Variants in NUP85 observed in about 807,000 individuals in gnomAD.
The protein encoded by NUP85 is nuclear pore complex protein Nup85.
NUP85 carries 23 observed loss-of-function variants against 92.8 expected under a neutral mutation model. That is an observed-to-expected ratio of 0.25 (90% CI 0.18 to 0.35). The LOEUF is 0.35. Among genes scored for constraint, NUP85 ranks in the 10% least tolerant of loss-of-function variants. The probability of loss-of-function intolerance (pLI) is 1.00; values close to 1 mark genes in which losing one functional copy is unlikely to be tolerated. For synonymous variants in NUP85, 314 were observed against 306.9 expected (o/e 1.02, Z -0.24); for missense variants, 759 against 822.8 (o/e 0.92, Z 0.95).
Position 75,231,445 on chromosome 17 carries a change from A to G in NUP85, c.1178+22A>G, listed in dbSNP as rs1444864730. The G allele has an allele frequency of 2.5e-6, 4 of 1,613,372 alleles. No homozygotes were observed. In the African/African-American group the frequency reaches 5.3e-5, roughly 22 times the overall value. Reference sequence around the variant, plus strand: ...TCTAGTAAGTGGCCGGGAGGCACCGATCCTCCTCTTCTTACCACCAGGCCC... The same window carrying G: ...TCTAGTAAGTGGCCGGGAGGCACCGGTCCTCCTCTTCTTACCACCAGGCCC... On this transcript the variant is annotated intron_variant, in intron 12 of 18. Transcript: ENST00000245544. This position sits in a 1 kb window ranked among gnomAD's most constrained non-coding sequence, Gnocchi z 4.6.
At position 75,215,648 on chromosome 17, in the gene NUP85, G is replaced by A. The variant is rs2075407474; in HGVS notation, c.406-106G>A. ...CCAGTAGGATTGCAGTAACCTTTGG[G>A]TTAAGGAATGACTGTCATATGAGTC... On this transcript the variant is annotated intron_variant, in intron 5 of 18. Transcript: ENST00000245544. 3 of 1,016,192 alleles carry A rather than the reference G, an allele frequency of 3.0e-6. No homozygotes were observed. The East Asian group carries it at 7.2e-5, about 24-fold the overall frequency. 62.9% of individuals were successfully genotyped at this position (1,016,192 alleles called of 1,614,324 possible).
At chr17:75,219,968 A>G (rs1343300706) in intron 7 of NUP85, among the ~76,000 whole-genome samples, 1 of 152,102 alleles carries the variant, frequency 6.6e-6, no homozygotes, top group Non-Finnish European at 1.5e-5. Context: ...GGAGATAAAG[A>G]CAGAGCGATA....
At chr17:75,230,170 G>A (rs569502625) in intron 11 of NUP85, among the ~76,000 whole-genome samples, 1 of 151,894 alleles carries the variant, frequency 6.6e-6, no homozygotes, top group East Asian at 1.9e-4. Flanking sequence ...AGCCTTCCGA[G>A]TAGCTGGGAC....
At chr17:75,225,664 G>A in intron 9 of NUP85, 34 bp from the exon 10 acceptor site, 1 of 1,612,680 alleles carries the variant, frequency 6.2e-7, no homozygotes, top group Non-Finnish European at 8.5e-7. Context: ...CCCCTGAGAG[G>A]AGGACAGAGT....
At chr17:75,222,486 A>G (rs1039830317) in intron 7 of NUP85, among the ~76,000 whole-genome samples, 4 of 130,280 alleles carry the variant, frequency 3.1e-5, no homozygotes, top group African/African-American at 8.7e-5. Flanking sequence ...ATATGTTTAT[A>G]TATTTGTGAT....
intron 3 of NUP85, 104 bp from the exon 4 acceptor site, chr17:75,211,888 C>T (rs371783976): frequency 2.2e-5 from 20 of 893,346 alleles, no homozygotes; most frequent in East Asian, 1.1e-4. Flanking sequence ...CAACGGCTCT[C>T]CTCTTTCTTT....
chr17:75,235,229 C>G (rs1243359695), intron 18 of NUP85, 28 bp downstream of exon 18: 1 of 1,558,570 alleles, frequency 6.4e-7, no homozygotes, highest in Non-Finnish European at 8.8e-7. Flanking sequence ...GTTGATGGTT[C>G]CACATGGAGG....
rs1158296472 is a variant in NUP85 at position 75,205,748 on chromosome 17, T to C, written c.-14T>C. The C allele has an allele frequency of 6.2e-7, 1 of 1,614,010 alleles. No individual in the cohort carries two copies. Among genetic ancestry groups the C allele is most frequent in the Non-Finnish European group, 8.5e-7 (1 of 1,180,014 alleles). ...GGCGTCCGAGCGACTTCTAGGAGCCTGGGGTTCGGCGCTATGGAGGAGCTC... is the reference window on the plus strand; with the variant it reads ...GGCGTCCGAGCGACTTCTAGGAGCCCGGGGTTCGGCGCTATGGAGGAGCTC... On this transcript the variant is annotated 5_prime_UTR_variant, in exon 1 of 19. Transcript: ENST00000245544.
rs199766568 is a variant in NUP85 at position 75,225,194 on chromosome 17, G to A, written c.689G>A (p.Cys230Tyr). ...ADASPASAGI[C>Y]RIMGDLMRTM... is the part of the protein sequence containing the mutation. ...GCCAGCCCCGCCTCTGCAGGCATATGCCGAATCATGGGGGACCTGATGAGG... is the reference window on the plus strand; with the variant it reads ...GCCAGCCCCGCCTCTGCAGGCATATACCGAATCATGGGGGACCTGATGAGG... Residue 230 changes from cysteine to tyrosine, a missense_variant, in exon 8 of 19, where the codon TGC becomes TAC. By Grantham distance (194) the Cys-to-Tyr change is radical. Transcript: ENST00000245544. The A allele has an allele frequency of 7.5e-6, 12 of 1,610,106 alleles. No homozygotes were observed. Among genetic ancestry groups the A allele is most frequent in the Admixed American group, 5.0e-5 (3 of 59,722 alleles).
chr17:75,222,882 A>C (rs2075638465), intron 7 of NUP85, among the ~76,000 whole-genome samples: 1 of 151,952 alleles, frequency 6.6e-6, no homozygotes, highest in African/African-American at 2.4e-5. Flanking sequence ...AAAAATACAA[A>C]AAATTAGCCA....
chr17:75,213,862 G>GTTTT (rs55973643), intron 5 of NUP85, among the ~76,000 whole-genome samples: 2 of 122,014 alleles, frequency 1.6e-5, no homozygotes, highest in African/African-American at 6.2e-5. Flanking sequence ...CAAAACTCAA[G>GTTTT]TTTTTTTTTT....
intron 6 of NUP85, 24 bp downstream of exon 6, chr17:75,215,847 AATCTCATAGG>A (rs2075414059): frequency 1.9e-6 from 3 of 1,584,622 alleles, no homozygotes; most frequent in Non-Finnish European, 2.6e-6. Flanking sequence ...ATCTCACCAT[AATCTCATAGG>A]TGTCCCCTTC....
At chr17:75,233,875 G>T (rs1292067393) in intron 16 of NUP85, among the ~76,000 whole-genome samples, 1 of 152,126 alleles carries the variant, frequency 6.6e-6, no homozygotes, top group African/African-American at 2.4e-5. Flanking sequence ...TGGGATTACA[G>T]GCGTGAGCCA....
intron 6 of NUP85, chr17:75,216,358 T>TGGA (rs1487658405): frequency 6.6e-6 from 1 of 152,342 alleles, no homozygotes; most frequent in African/African-American, 2.4e-5. Context: ...CTCCACCTCC[T>TGGA]GGGTTCAAGC....
rs748469797 is a variant in NUP85 at position 75,231,807 on chromosome 17, G to C, written c.1245-21G>C. The C allele has an allele frequency of 1.9e-6, 3 of 1,613,630 alleles. No individual in the cohort carries two copies. The African/African-American group carries it at 4.0e-5, about 22-fold the overall frequency. ...AGCCATGAGGCAGCACCTCATGTCT[G>C]TCCTCCTCGAACCTTTGCAGCCTGT... On this transcript the variant is annotated intron_variant, in intron 13 of 18. Coordinates refer to ENST00000245544, the MANE Select transcript of NUP85 (RefSeq NM_024844.5). The surrounding 1 kb of genome is among the most constrained non-coding windows in gnomAD (Gnocchi z 4.6).
chr17:75,218,813 G>A (rs1214316524), intron 7 of NUP85, among the ~76,000 whole-genome samples: 1 of 152,002 alleles, frequency 6.6e-6, no homozygotes, highest in Admixed American at 6.6e-5. Context: ...GTTGTGCAGT[G>A]GCCTGATCTT....
At chr17:75,217,354 C>T (rs561825218) in intron 6 of NUP85, among the ~76,000 whole-genome samples, 1 of 147,692 alleles carries the variant, frequency 6.8e-6, no homozygotes, top group Admixed American at 6.9e-5. Flanking sequence ...GCCACCATTC[C>T]TGGCTCGGCT....
chr17:75,212,228 GGTTTTTTTTTTTGTTGTTGTT>G, intron 4 of NUP85, among the ~76,000 whole-genome samples, 166 bp downstream of exon 4: 1 of 84,542 alleles, frequency 1.2e-5, no homozygotes, highest in East Asian at 3.9e-4. Flanking sequence ...ATCATTTAGA[GGTTTTTTTTTTTGTTGTTGTT>G]TTTTTTTTTT....
chr17:75,215,217 TC>T (rs1458037177), intron 5 of NUP85, among the ~76,000 whole-genome samples: 4 of 152,294 alleles, frequency 2.6e-5, no homozygotes, highest in African/African-American at 9.6e-5. Context: ...TTATATTTTT[TC>T]TTTTTTTAAA....
Sources: gnomAD v4.1 joint callset for allele counts (sites outside exome capture counted in the v4.1 genomes callset) on GRCh38, gnomAD v4.1.1 for gene constraint, Gnocchi (gnomAD v3.1) non-coding constraint, MANE v1.5 for transcripts, NCBI Gene and HGNC (gene_info 2026-07-23, HGNC 2026-07-21) for gene names.